Variants in MYOM2 observed in about 807,000 individuals in gnomAD.
MYOM2 encodes the protein myomesin-2.
A neutral mutation model predicts 187.6 loss-of-function variants in MYOM2; 254 were observed. That is an observed-to-expected ratio of 1.35 (90% CI 1.22 to 1.50). MYOM2 has a LOEUF of 1.50. Ranked by LOEUF, MYOM2 falls within the 40% of genes most tolerant of loss-of-function variation. MYOM2 has a pLI of 0.00. For missense variants in MYOM2, 2,796 were observed against 1,924.0 expected, an observed-to-expected ratio of 1.45 and a Z score of -8.48; for synonymous variants, 981 against 753.8, an observed-to-expected ratio of 1.30 and a Z score of -4.94.
Position 2,141,134 on chromosome 8 carries a change from C to A in MYOM2, c.3965-7C>A, listed in dbSNP as rs776503139. 13 of 1,610,842 alleles carry A rather than the reference C, an allele frequency of 8.1e-6. No homozygotes were observed. Among genetic ancestry groups the A allele is most frequent in the Non-Finnish European group, 1.7e-6 (2 of 1,177,876 alleles). On this transcript the variant is annotated splice_polypyrimidine_tract_variant and splice_region_variant and intron_variant, in intron 33 of 36. Transcript: ENST00000262113. ...TGGTTAGTAACGTATGAACTATTTCCTCACAGCTTTTGATGAAGCATTTGC... is the reference window on the plus strand; with the variant it reads ...TGGTTAGTAACGTATGAACTATTTCATCACAGCTTTTGATGAAGCATTTGC...
chr8:2,100,493 C>T (rs973788576), intron 19 of MYOM2: 6 of 234,382 alleles, frequency 2.6e-5, no homozygotes, highest in East Asian at 9.7e-5. Context: ...GATGTGCTTC[C>T]GGCCAGGTAG....
At chr8:2,095,587 T>A (rs887020467) in intron 17 of MYOM2, among the ~76,000 whole-genome samples, 1 of 152,200 alleles carries the variant, frequency 6.6e-6, no homozygotes, top group Non-Finnish European at 1.5e-5. Context: ...CCACCGCACC[T>A]GGCCTGTTTT....
In MYOM2 at chr8:2,145,241, G is replaced by A. The variant is rs1037725085; in HGVS notation, c.*260G>A. 1.8e-6 allele frequency: 1 copy of A among 562,754 alleles called. No individual in the cohort carries two copies. The highest frequency in any genetic ancestry group is 3.1e-6 in the Non-Finnish European group (1 of 322,148). The allele number at this position is 562,754 out of a possible 1,614,324, so 34.9% of individuals were successfully genotyped here. On this transcript the variant is annotated 3_prime_UTR_variant, in exon 37 of 37. Transcript: ENST00000262113. ...CAGATGCCTGACAGAGAGTGGGTTG[G>A]CAGACAACACACTAGAATTTTCACG...
At chr8:2,136,028 C>T (rs1008377907) in intron 32 of MYOM2, among the ~76,000 whole-genome samples, 20 of 152,204 alleles carry the variant, frequency 1.3e-4, no homozygotes, top group Non-Finnish European at 1.9e-4. Flanking sequence ...GCGGGAGCCT[C>T]TGCTGGAAGC....
chr8:2,065,636 T>A (rs2129332086), intron 6 of MYOM2, among the ~76,000 whole-genome samples: 1 of 152,312 alleles, frequency 6.6e-6, no homozygotes, highest in East Asian at 1.9e-4. Context: ...TATTGCCCAG[T>A]GTTTCTTCTT....
In MYOM2 at chr8:2,106,498, C is replaced by T. The variant is rs1196775182; in HGVS notation, c.2899C>T (p.Leu967=). The T allele has an allele frequency of 1.2e-6, 2 of 1,611,992 alleles. No homozygotes were observed. The highest frequency in any genetic ancestry group is 1.7e-6 in the Non-Finnish European group (2 of 1,178,154). The change falls in exon 23 of 37, where the codon CTG becomes TTG. Residue 967 remains leucine, a synonymous_variant. Coordinates refer to ENST00000262113, the MANE Select transcript of MYOM2 (RefSeq NM_003970.4). ...ACTCTTCTTCCTTTTTAGCTCCAAG[C>T]TGTACTTAAAGAATCCGGATAAGGA... ...KIETVGDHSK[L]YLKNPDKEDL...
intron 11 of MYOM2, chr8:2,076,759 C>A (rs554236482): frequency 6.5e-6 from 1 of 153,084 alleles, no homozygotes; most frequent in Non-Finnish European, 1.5e-5. Flanking sequence ...CTTCTTGTTT[C>A]CAAGTGAAAA....
chr8:2,113,728 T>A (rs1797144763), intron 25 of MYOM2, among the ~76,000 whole-genome samples: 1 of 152,194 alleles, frequency 6.6e-6, no homozygotes, highest in Non-Finnish European at 1.5e-5. Flanking sequence ...CCTAGAAGCA[T>A]AATTATCTTC....
intron 6 of MYOM2, among the ~76,000 whole-genome samples, chr8:2,064,704 G>T (rs961588781): frequency 2.0e-5 from 3 of 152,228 alleles, no homozygotes; most frequent in Non-Finnish European, 4.4e-5. Flanking sequence ...CAAGCTCCTT[G>T]CCCTTTGGGA....
At chr8:2,048,225 C>G (rs1226957365) in intron 1 of MYOM2, among the ~76,000 whole-genome samples, 1 of 152,210 alleles carries the variant, frequency 6.6e-6, no homozygotes, top group Non-Finnish European at 1.5e-5. Flanking sequence ...GTGGAATTGC[C>G]TGGTATTCGT....
In MYOM2 at chr8:2,085,486, TGGCCCCTCACTG is replaced by T. The variant is rs1819799649; in HGVS notation, c.1644+97_1644+108del. On this transcript the variant is annotated intron_variant, in intron 14 of 36. Transcript: ENST00000262113. ...GCCCACCGCTGTCGTGATCTCCGCG[TGGCCCCTCACTG>T]TTGTGATCTCCGCGTGGCCCCCCAC... 7.0e-5 allele frequency: 100 copies of T among 1,425,612 alleles called. 5 individuals are homozygous for T. In the East Asian group the frequency reaches 1.5e-3, roughly 21 times the overall value. The allele number at this position is 1,425,612 out of a possible 1,614,324, so 88.3% of individuals were successfully genotyped here.
At chr8:2,065,030 A>T (rs1219043763) in intron 6 of MYOM2, among the ~76,000 whole-genome samples, 1 of 152,236 alleles carries the variant, frequency 6.6e-6, no homozygotes, top group Non-Finnish European at 1.5e-5. Context: ...TTCAGCTATT[A>T]TTTCTTAGTT....
At position 2,074,540 on chromosome 8, in the gene MYOM2, C is replaced by T. The variant is rs533023476; in HGVS notation, c.1120+1040C>T. ...CGCGACCTCGGCTCACTGCAACCTCCGCCTCCTGGGTTCAAGCGATTCTCC... is the reference window on the plus strand; with the variant it reads ...CGCGACCTCGGCTCACTGCAACCTCTGCCTCCTGGGTTCAAGCGATTCTCC... On this transcript the variant is annotated intron_variant, in intron 10 of 36. Transcript: ENST00000262113. 1.1e-4 allele frequency among the ~76,000 whole-genome samples: 16 copies of T among 152,156 alleles called. No individual in the cohort carries two copies. In the South Asian group the frequency reaches 3.1e-3, roughly 30 times the overall value.
intron 1 of MYOM2, 115 bp from the exon 2 acceptor site, chr8:2,050,639 TC>T: frequency 3.5e-6 from 2 of 573,570 alleles, no homozygotes; most frequent in East Asian, 5.8e-5. Flanking sequence ...TTTTTTCCCT[TC>T]CCAAGGGGGT....
chr8:2,134,820 C>G (rs550029563), intron 32 of MYOM2, among the ~76,000 whole-genome samples: 8 of 152,080 alleles, frequency 5.3e-5, no homozygotes, highest in Non-Finnish European at 8.8e-5. Flanking sequence ...TTTCTGGGCC[C>G]GTAAAACATT....
At chr8:2,097,890 T>A (rs1430967644) in intron 18 of MYOM2, among the ~76,000 whole-genome samples, 1 of 152,226 alleles carries the variant, frequency 6.6e-6, no homozygotes, top group Non-Finnish European at 1.5e-5. Context: ...CACCACGCTG[T>A]GCAGGAAGCA....
chr8:2,083,639 C>T (rs142579479), intron 13 of MYOM2, among the ~76,000 whole-genome samples: 63 of 152,318 alleles, frequency 4.1e-4, no homozygotes, highest in African/African-American at 1.5e-3. Flanking sequence ...CCTCGGCTCC[C>T]CTCTCAGGGC....
intron 8 of MYOM2, 74 bp from the exon 9 acceptor site, chr8:2,072,271 T>A: frequency 9.2e-7 from 1 of 1,088,914 alleles, no homozygotes; most frequent in Non-Finnish European, 1.2e-6. Context: ...CTCTCTGCCC[T>A]TCGGCCATGA....
intron 27 of MYOM2, among the ~76,000 whole-genome samples, chr8:2,117,217 C>A (rs1030799289): frequency 6.6e-6 from 1 of 152,038 alleles, no homozygotes; most frequent in African/African-American, 2.4e-5. Flanking sequence ...ACATTATGAA[C>A]ATTTTTGGGC....
Sources: allele counts gnomAD v4.1 joint callset (sites outside exome capture counted in the v4.1 genomes callset), GRCh38; gene constraint gnomAD v4.1.1; transcripts MANE v1.5; gene names NCBI Gene and HGNC (gene_info 2026-07-23, HGNC 2026-07-21).